The following MB variants were observed in gnomAD, a reference collection of about 807,000 sequenced individuals.
MB encodes myoglobin, also known as nitrite reductase MB.
In MB, 10 loss-of-function variants were observed where a neutral mutation model predicts 14.5. The observed-to-expected ratio is 0.69, with a 90% CI of 0.43 to 1.17. The LOEUF is 1.17. Ranked by LOEUF, MB falls within the 50% of genes most tolerant of loss-of-function variation. The pLI, the probability that MB is intolerant of heterozygous loss-of-function variation, is 0.00. For missense variants in MB, 169 were observed against 192.7 expected (o/e 0.88, Z 0.73); for synonymous variants, 89 against 78.6 (o/e 1.13, Z -0.70).
At chr22:35,615,000 C>T (rs996935940) in intron 1 of MB, among the ~76,000 whole-genome samples, 3 of 152,184 alleles carry the variant, frequency 2.0e-5, no homozygotes, top group African/African-American at 7.2e-5. Context: ...GCAGCCCCCT[C>T]CCTTCCGAAG....
upstream of MB, chr22:35,622,138 G>C (rs1017386929): frequency 2.0e-5 from 3 of 152,162 alleles, no homozygotes; most frequent in Non-Finnish European, 4.4e-5. Context: ...TGGCAAGAAG[G>C]AGAACTCTGG....
upstream of MB, among the ~76,000 whole-genome samples, chr22:35,621,223 A>G (rs1923440314): frequency 6.6e-6 from 1 of 152,168 alleles, no homozygotes; most frequent in South Asian, 2.1e-4. Context: ...ACACACACGC[A>G]CACACACGCA....
intron 2 of MB, 39 bp from the exon 3 acceptor site, chr22:35,607,482 G>A (rs1295057821): frequency 6.2e-7 from 1 of 1,602,816 alleles, no homozygotes; most frequent in African/African-American, 1.3e-5. Context: ...TCACCAGGGT[G>A]GGACAAGCCA....
chr22:35,617,313 C>T lies in MB; in HGVS notation c.-56G>A, dbSNP rs2145923691. The T allele has an allele frequency of 7.0e-7, 1 of 1,436,018 alleles. No individual in the cohort carries two copies. Among genetic ancestry groups the T allele is most frequent in the Admixed American group, 1.7e-5 (1 of 59,068 alleles). 89.0% of individuals were successfully genotyped at this position (1,436,018 alleles called of 1,614,324 possible). ...GTATGGGCTCACTGGGTGTCCTGGCCCCAACAGCTGGGGTTTGAGGCTGCC... is the reference window on the plus strand; with the variant it reads ...GTATGGGCTCACTGGGTGTCCTGGCTCCAACAGCTGGGGTTTGAGGCTGCC... On this transcript the variant is annotated 5_prime_UTR_variant, in exon 1 of 3. Transcript: ENST00000397326.
In MB at chr22:35,611,057, G is replaced by A. The variant is rs1440691130; in HGVS notation, c.145C>T (p.His49Tyr). Residue 49 changes from histidine (H) to tyrosine (Y), a missense_variant, in exon 2 of 3, where the codon CAC (histidine) becomes TAC (tyrosine). Transcript: ENST00000397326. Reference protein sequence around the residue: ...ETLEKFDKFKHLKSEDEMKAS... With the variant: ...ETLEKFDKFKYLKSEDEMKAS... ...TTCATCTCGTCCTCTGACTTCAGGT[G>A]CTTGAACTTGTCAAACTTCTCCAGA... is the stretch of plus-strand genomic sequence containing the variant. 6.2e-7 allele frequency: 1 copy of A among 1,614,122 alleles called. No homozygotes were observed.
Position 35,617,299 on chromosome 22 carries a change from C to A in MB, c.-42G>T. On this transcript the variant is annotated 5_prime_UTR_variant, in exon 1 of 3. Coordinates refer to ENST00000397326, the MANE Select transcript of MB (RefSeq NM_005368.3). ...GACAAAAAGAGCAAGTATGGGCTCA[C>A]TGGGTGTCCTGGCCCCAACAGCTGG... is the stretch of plus-strand genomic sequence containing the variant. 1 of 1,508,228 alleles carries A rather than the reference C, an allele frequency of 6.6e-7. No homozygotes were observed. The highest frequency in any genetic ancestry group is 1.1e-5 in the South Asian group (1 of 88,714). 93.4% of individuals were successfully genotyped at this position (1,508,228 alleles called of 1,614,324 possible).
upstream of MB, chr22:35,622,173 G>A (rs1390487086): frequency 6.6e-6 from 1 of 152,266 alleles, no homozygotes; most frequent in Non-Finnish European, 1.5e-5. Flanking sequence ...GACTCCCCAC[G>A]ATCTTCACTA....
At position 35,608,566 on chromosome 22, in the gene MB, C is replaced by T. The variant is rs375089332; in HGVS notation, c.319-1123G>A. On this transcript the variant is annotated intron_variant, in intron 2 of 2. Transcript: ENST00000397326. The surrounding 1 kb of genome is among the most constrained non-coding windows in gnomAD (Gnocchi z 4.3). ...TGGGAAAGAGGGGCAGCTCCACAAA[C>T]GCCTACTCTTGGGCATCAAGGTGGA... Among the ~76,000 whole-genome samples the T allele has an allele frequency of 1.1e-4, 17 of 152,332 alleles. No homozygotes were observed. The highest frequency in any genetic ancestry group is 4.1e-4 in the South Asian group (2 of 4,824).
At chr22:35,620,829 G>T (rs1434846232), upstream of MB, among the ~76,000 whole-genome samples, 1 of 152,164 alleles carries the variant, frequency 6.6e-6, no homozygotes, top group Non-Finnish European at 1.5e-5. Flanking sequence ...AGTTGTCTGG[G>T]GATGGCCTGA....
At chr22:35,618,000 C>T (rs1261825171), upstream of MB, among the ~76,000 whole-genome samples, 1 of 152,186 alleles carries the variant, frequency 6.6e-6, no homozygotes, top group Non-Finnish European at 1.5e-5. Flanking sequence ...TGCATTGCTT[C>T]CCAAAGGGCA....
chr22:35,620,901 G>C (rs1246078581), upstream of MB, among the ~76,000 whole-genome samples: 1 of 152,154 alleles, frequency 6.6e-6, no homozygotes, highest in Admixed American at 6.5e-5. Flanking sequence ...GCTATCACCC[G>C]CTTGGCAAGC....
chr22:35,611,172 C>A (rs1299050750), intron 1 of MB, 66 bp from the exon 2 acceptor site: 1 of 1,178,374 alleles, frequency 8.5e-7, no homozygotes, highest in Non-Finnish European at 1.3e-6. Context: ...GGCAGCCAGA[C>A]TAGAGTTCAA....
chr22:35,607,318 C>T lies in MB; in HGVS notation c.444G>A (p.Lys148=). The T allele has an allele frequency of 6.2e-7, 1 of 1,613,704 alleles. No individual in the cohort carries two copies. Among genetic ancestry groups the T allele is most frequent in the Admixed American group, 1.7e-5 (1 of 60,020 alleles). ...GGGCCTAGCCCTGGAAGCCCAGCTC[C>T]TTGTAGTTGGAGGCCATGTCCTTCC... The part of the protein sequence containing the change: ...LFRKDMASNY[K]ELGFQG Residue 148 remains lysine (K), a synonymous_variant, in exon 3 of 3, where the codon AAG becomes AAA. Transcript: ENST00000397326.
rs1922189012 is a variant in MB at position 35,607,010 on chromosome 22, GTT to G, written c.*285_*286del. On this transcript the variant is annotated 3_prime_UTR_variant, in exon 3 of 3. Coordinates refer to ENST00000397326, the MANE Select transcript of MB (RefSeq NM_005368.3). ...CAGTTTGGAGGTTGGAAGAAGTTCG[GTT>G]GGGATTTAGAAGAAAGGACAATTAA... 6.5e-6 allele frequency: 2 copies of G among 305,448 alleles called. No individual in the cohort carries two copies. The highest frequency in any genetic ancestry group is 1.2e-5 in the Non-Finnish European group (2 of 165,502). The allele number at this position is 305,448 out of a possible 1,614,324, so 18.9% of individuals were successfully genotyped here. A position where few individuals can be genotyped will look rare whatever the true frequency, so the allele number is the denominator to read the frequency against.
At chr22:35,613,295 A>T (rs995418088) in intron 1 of MB, among the ~76,000 whole-genome samples, 1 of 152,202 alleles carries the variant, frequency 6.6e-6, no homozygotes, top group East Asian at 1.9e-4. Flanking sequence ...GCCCTCTGAT[A>T]TCTAGGGAAG....
chr22:35,612,232 C>T (rs1406907406), intron 1 of MB, among the ~76,000 whole-genome samples: 1 of 152,146 alleles, frequency 6.6e-6, no homozygotes, highest in African/African-American at 2.4e-5. Context: ...TAAAAGTACA[C>T]AGTATGTATT....
intron 1 of MB, chr22:35,623,081 A>C (rs1923569476): frequency 6.6e-6 from 1 of 152,298 alleles, no homozygotes; most frequent in South Asian, 2.1e-4. Context: ...TACTTAGTGC[A>C]CACCAGGGAC....
intron 1 of MB, among the ~76,000 whole-genome samples, chr22:35,616,632 A>G (rs1303836960): frequency 1.3e-5 from 2 of 152,064 alleles, no homozygotes; most frequent in African/African-American, 4.8e-5. Context: ...ATATCCCCTC[A>G]CTGTACAGGA....
At chr22:35,607,846 T>C (rs909090703) in intron 2 of MB, among the ~76,000 whole-genome samples, 2 of 152,162 alleles carry the variant, frequency 1.3e-5, no homozygotes, top group Non-Finnish European at 1.5e-5. Context: ...AATGCTCAGA[T>C]TTCATTATTG....
Sources: gnomAD v4.1 joint callset for allele counts (sites outside exome capture counted in the v4.1 genomes callset) on GRCh38, gnomAD v4.1.1 for gene constraint, Gnocchi (gnomAD v3.1) non-coding constraint, MANE v1.5 for transcripts, NCBI Gene and HGNC (gene_info 2026-07-23, HGNC 2026-07-21) for gene names.